The following TTC28 variants were observed in gnomAD, a reference collection of about 807,000 sequenced individuals.
TTC28 encodes tetratricopeptide repeat domain 28, also known as tetratricopeptide repeat protein 28.
TTC28 carries 61 observed loss-of-function variants against 198.0 expected under a neutral mutation model. The ratio of observed to expected loss-of-function variants is 0.31; its 90% CI spans 0.25 to 0.38. The LOEUF (loss-of-function observed/expected upper bound fraction) is 0.38. Ranked by LOEUF, TTC28 falls within the 10% of genes least tolerant of loss-of-function variation. The pLI is 1.00. For synonymous variants in TTC28, 1,171 were observed against 1,297.8 expected (o/e 0.90, Z 2.10); for missense variants, 2,678 against 3,164.0 (o/e 0.85, Z 3.69).
At chr22:28,018,045 A>G (rs1215372651) in intron 13 of TTC28, among the ~76,000 whole-genome samples, 1 of 152,136 alleles carries the variant, frequency 6.6e-6, no homozygotes, top group African/African-American at 2.4e-5. Context: ...TGCCACATCA[A>G]GCACTGGCTC....
chr22:28,276,155 G>C (rs1269322249), intron 5 of TTC28, among the ~76,000 whole-genome samples: 1 of 151,852 alleles, frequency 6.6e-6, no homozygotes, highest in Non-Finnish European at 1.5e-5. Flanking sequence ...GGGATCACAG[G>C]CATGCACCAC....
At chr22:28,373,088 C>T (rs916635081) in intron 2 of TTC28, among the ~76,000 whole-genome samples, 1 of 151,996 alleles carries the variant, frequency 6.6e-6, no homozygotes, top group Non-Finnish European at 1.5e-5. Context: ...GTGACCTCAC[C>T]CCTAAAGATA....
At chr22:28,265,045 T>C (rs1931593788) in intron 5 of TTC28, among the ~76,000 whole-genome samples, 1 of 152,086 alleles carries the variant, frequency 6.6e-6, no homozygotes, top group Admixed American at 6.6e-5. Context: ...AATATGTAAA[T>C]ATATAAGTAT....
chr22:28,471,954 G>A (rs143994070), intron 2 of TTC28, among the ~76,000 whole-genome samples: 5 of 152,244 alleles, frequency 3.3e-5, no homozygotes, highest in Non-Finnish European at 5.9e-5. Context: ...CTGGAGTGCA[G>A]TGACTGTGCT....
In TTC28 at chr22:27,978,395, T is replaced by C. The variant is rs1289358347; in HGVS notation, c.*3826A>G. 2 of 152,290 alleles carry C rather than the reference T, an allele frequency of 1.3e-5. No homozygotes were observed. Among genetic ancestry groups the C allele is most frequent in the Non-Finnish European group, 2.9e-5 (2 of 68,058 alleles). 9.4% of individuals were successfully genotyped at this position (152,290 alleles called of 1,614,324 possible). Reference sequence around the variant, plus strand: ...ATACAGTTTTCACTTGTTGCCTACTTACTGAAAGCAAACCAGATTATTGCA... The same window carrying C: ...ATACAGTTTTCACTTGTTGCCTACTCACTGAAAGCAAACCAGATTATTGCA... On this transcript the variant is annotated 3_prime_UTR_variant, in exon 23 of 23. Transcript: ENST00000397906.
rs190259745 is a variant in TTC28, at chr22:28,130,141, T to A, written c.1442-21738A>T. On this transcript the variant is annotated intron_variant, in intron 6 of 22. Coordinates refer to ENST00000397906, the MANE Select transcript of TTC28 (RefSeq NM_001145418.2). ...AAATCAGATATCCTATATGGAAAAT[T>A]CAAAGTTTAAGCAGATTCCTTTTAC... Among the ~76,000 whole-genome samples the A allele has an allele frequency of 3.9e-5, 6 of 152,298 alleles. No homozygotes were observed. The East Asian group carries it at 1.2e-3, about 29-fold the overall frequency.
At chr22:28,565,102 T>C (rs1477392092) in intron 2 of TTC28, among the ~76,000 whole-genome samples, 1 of 151,802 alleles carries the variant, frequency 6.6e-6, no homozygotes, top group Admixed American at 6.6e-5. Flanking sequence ...CTCATTCACA[T>C]ACAGTACAGT....
At position 27,985,472 on chromosome 22, in the gene TTC28, A is replaced by C. The variant is rs1486020084; in HGVS notation, c.5708-116T>G. Reference sequence around the variant, plus strand: ...TGGAATGCCTGCAAGGCCCTTCAGCAAGCATTTGGGCCTGGGGCTTCCCCA... The same window carrying C: ...TGGAATGCCTGCAAGGCCCTTCAGCCAGCATTTGGGCCTGGGGCTTCCCCA... On this transcript the variant is annotated intron_variant, in intron 21 of 22. Transcript: ENST00000397906. 18 of 808,784 alleles carry C rather than the reference A, an allele frequency of 2.2e-5. No individual in the cohort carries two copies. The Admixed American group carries it at 2.6e-4, about 12-fold the overall frequency. The allele number at this position is 808,784 out of a possible 1,614,324, so 50.1% of individuals were successfully genotyped here. A position where few individuals can be genotyped will look rare whatever the true frequency, so the allele number is the denominator to read the frequency against.
At chr22:28,651,328 G>T (rs1280597627) in intron 1 of TTC28, among the ~76,000 whole-genome samples, 1 of 120,050 alleles carries the variant, frequency 8.3e-6, no homozygotes, top group Non-Finnish European at 1.8e-5. Context: ...TTGAGACAGG[G>T]TCTTGCTGTG....
At chr22:28,287,304 T>A (rs1015946528) in intron 5 of TTC28, among the ~76,000 whole-genome samples, 1 of 152,122 alleles carries the variant, frequency 6.6e-6, no homozygotes, top group African/African-American at 2.4e-5. Flanking sequence ...AAACATGAAC[T>A]TCAATTTCTA....
rs1409119441 is a variant in TTC28, at chr22:28,629,804, A to G, written c.129T>C (p.Ile43=). 1 of 1,551,590 alleles carries G rather than the reference A, an allele frequency of 6.4e-7. No homozygotes were observed. Among genetic ancestry groups the G allele is most frequent in the Admixed American group, 2.0e-5 (1 of 50,970 alleles). ...APIPLFGADT[I]GQRSPDGPVL... ...CCGGTCCATCAGGACTTCTCTGGCC[A>G]ATAGTGTCAGCACCAAAGAGAGGAA... Residue 43 remains isoleucine (I), a synonymous_variant, in exon 2 of 23, where the codon ATT becomes ATC. Transcript: ENST00000397906.
chr22:28,554,270 A>G (rs1456070244), intron 2 of TTC28, among the ~76,000 whole-genome samples: 1 of 151,684 alleles, frequency 6.6e-6, no homozygotes, highest in East Asian at 1.9e-4. Context: ...TAGGAAAACC[A>G]GAGACCTTTG....
chr22:28,124,167 C>CG (rs1569151596), intron 6 of TTC28, among the ~76,000 whole-genome samples: 7 of 70,004 alleles, frequency 1.0e-4, no homozygotes, highest in African/African-American at 3.3e-4. Flanking sequence ...ACTTATCTCT[C>CG]TTTGTTGTTG....
At chr22:28,560,436 C>T (rs2049850463) in intron 2 of TTC28, among the ~76,000 whole-genome samples, 1 of 152,060 alleles carries the variant, frequency 6.6e-6, no homozygotes. Context: ...AAATAAAATC[C>T]AACATCTTAT....
intron 6 of TTC28, among the ~76,000 whole-genome samples, chr22:28,158,754 A>C (rs1236775303): frequency 6.6e-6 from 1 of 152,216 alleles, no homozygotes; most frequent in Non-Finnish European, 1.5e-5. Context: ...CGTATCTAAA[A>C]ATCACATCAA....
intron 2 of TTC28, among the ~76,000 whole-genome samples, chr22:28,483,159 GAGCAC>G (rs1259193249): frequency 6.6e-6 from 1 of 152,116 alleles, no homozygotes; most frequent in African/African-American, 2.4e-5. Flanking sequence ...AAGCATTTCT[GAGCAC>G]CAGACATGTA....
intron 6 of TTC28, among the ~76,000 whole-genome samples, chr22:28,114,749 TTTAA>T (rs1415940731): frequency 2.6e-5 from 4 of 151,968 alleles, no homozygotes; most frequent in African/African-American, 2.4e-5. Flanking sequence ...CCAGCTAATG[TTTAA>T]TTAATTAATT....
intron 2 of TTC28, among the ~76,000 whole-genome samples, chr22:28,613,048 G>A (rs774567437): frequency 3.2e-4 from 49 of 152,070 alleles, no homozygotes; most frequent in Non-Finnish European, 5.6e-4. Context: ...CCAGAAGCTG[G>A]TTTTTTGATA....
intron 11 of TTC28, among the ~76,000 whole-genome samples, chr22:28,095,393 G>A (rs1245571442): frequency 1.3e-5 from 2 of 151,540 alleles, no homozygotes; most frequent in African/African-American, 2.4e-5. Flanking sequence ...TAAATCAAAG[G>A]CATAGAAACA....
Sources: allele counts gnomAD v4.1 joint callset (sites outside exome capture counted in the v4.1 genomes callset), GRCh38; gene constraint gnomAD v4.1.1; transcripts MANE v1.5; gene names NCBI Gene and HGNC (gene_info 2026-07-23, HGNC 2026-07-21).